Variants in BTBD9 observed in about 807,000 individuals in gnomAD.
The protein encoded by BTBD9 is BTB domain containing 9, also known as BTB/POZ domain-containing protein 9.
In BTBD9, 49 loss-of-function variants were observed where a neutral mutation model predicts 64.3. The ratio of observed to expected loss-of-function variants is 0.76; its 90% confidence interval spans 0.61 to 0.97. The LOEUF (loss-of-function observed/expected upper bound fraction) is 0.97, where lower values mean the gene tolerates loss of function less well. Among genes scored for constraint, BTBD9 ranks in the 50% least tolerant of loss-of-function variants. BTBD9 has a pLI of 0.00. For synonymous variants in BTBD9, 260 were observed against 274.7 expected, an observed-to-expected ratio of 0.95 and a Z score of 0.53; for missense variants, 598 against 762.1, an observed-to-expected ratio of 0.78 and a Z score of 2.53.
chr6:38,561,140 T>G (rs1443133187), intron 6 of BTBD9, among the ~76,000 whole-genome samples: 1 of 152,194 alleles, frequency 6.6e-6, no homozygotes, highest in Non-Finnish European at 1.5e-5. Context: ...TGTTTCTAGT[T>G]CTTTAAAGAA....
chr6:38,631,988 C>T (rs1298407266), intron 1 of BTBD9, among the ~76,000 whole-genome samples: 9 of 152,092 alleles, frequency 5.9e-5, no homozygotes, highest in South Asian at 4.1e-4. Context: ...ATTAGCCTGG[C>T]GTGGTGGCGC....
intron 6 of BTBD9, among the ~76,000 whole-genome samples, chr6:38,476,619 G>A (rs1562238882): frequency 6.6e-6 from 1 of 152,036 alleles, no homozygotes; most frequent in African/African-American, 2.4e-5. Context: ...GTTTTATCAA[G>A]GCAAAGACAG....
chr6:38,341,098 T>C (rs931300972), intron 7 of BTBD9, among the ~76,000 whole-genome samples: 4 of 152,064 alleles, frequency 2.6e-5, no homozygotes, highest in Admixed American at 6.6e-5. Flanking sequence ...GACAGATAAA[T>C]AGAAGAGAAC....
intron 9 of BTBD9, among the ~76,000 whole-genome samples, chr6:38,207,019 C>A (rs1762678926): frequency 6.6e-6 from 1 of 152,162 alleles, no homozygotes; most frequent in South Asian, 2.1e-4. Context: ...ACCCCTAGAG[C>A]CAGCAATTCC....
chr6:38,441,602 G>T (rs1202657456), intron 6 of BTBD9, among the ~76,000 whole-genome samples: 6 of 151,868 alleles, frequency 4.0e-5, no homozygotes, highest in African/African-American at 1.5e-4. Context: ...TTTTTTCATA[G>T]AAACAGATCT....
chr6:38,216,192 C>T (rs142006826), intron 9 of BTBD9, among the ~76,000 whole-genome samples: 3 of 152,332 alleles, frequency 2.0e-5, no homozygotes, highest in East Asian at 1.9e-4. Context: ...ACTCAGAGCA[C>T]GTGATTGGGC....
intron 6 of BTBD9, 71 bp downstream of exon 6, chr6:38,577,529 A>T: frequency 7.0e-7 from 1 of 1,433,202 alleles, no homozygotes; most frequent in Non-Finnish European, 9.5e-7. Flanking sequence ...TGAAAAATGC[A>T]GTTCTGCTTC....
At chr6:38,202,300 T>C (rs1202122616) in intron 9 of BTBD9, among the ~76,000 whole-genome samples, 4 of 151,852 alleles carry the variant, frequency 2.6e-5, no homozygotes, top group African/African-American at 9.7e-5. Context: ...TTGGCCAGGA[T>C]GGTCTCCATC....
At chr6:38,523,939 G>C (rs1773377178) in intron 6 of BTBD9, among the ~76,000 whole-genome samples, 1 of 152,114 alleles carries the variant, frequency 6.6e-6, no homozygotes, top group Non-Finnish European at 1.5e-5. Flanking sequence ...GTGTTCTGCT[G>C]CCTATGTGGA....
intron 6 of BTBD9, among the ~76,000 whole-genome samples, chr6:38,352,383 A>G (rs1365209805): frequency 6.6e-6 from 1 of 152,148 alleles, no homozygotes; most frequent in Non-Finnish European, 1.5e-5. Context: ...TCTGAAAAAA[A>G]AAAAAGAAAA....
intron 8 of BTBD9, among the ~76,000 whole-genome samples, chr6:38,281,220 G>C (rs765787163): frequency 6.6e-6 from 1 of 152,084 alleles, no homozygotes; most frequent in Non-Finnish European, 1.5e-5. Flanking sequence ...GGAAGTGCAT[G>C]AGCAACAGTT....
intron 9 of BTBD9, among the ~76,000 whole-genome samples, chr6:38,237,687 G>GA (rs1337979612): frequency 1.3e-5 from 2 of 152,070 alleles, no homozygotes; most frequent in African/African-American, 4.8e-5. Context: ...ATAATCTGAT[G>GA]AAAAAACAAT....
At chr6:38,376,875 A>G (rs1365352640) in intron 6 of BTBD9, among the ~76,000 whole-genome samples, 1 of 152,184 alleles carries the variant, frequency 6.6e-6, no homozygotes, top group African/African-American at 2.4e-5. Flanking sequence ...TAGAATTACA[A>G]TGACTGCCAT....
In BTBD9 at chr6:38,381,805, A is replaced by C. The variant is rs533846473; in HGVS notation, c.1155-36712T>G. On this transcript the variant is annotated intron_variant, in intron 6 of 10. Coordinates refer to ENST00000481247, the MANE Select transcript of BTBD9 (RefSeq NM_001099272.2). ...ATACACACATACATACACACCTTAAAAATAACATCAAAAACACACGTACGA... is the reference window on the plus strand; with the variant it reads ...ATACACACATACATACACACCTTAACAATAACATCAAAAACACACGTACGA... 5.9e-5 allele frequency among the ~76,000 whole-genome samples: 9 copies of C among 152,248 alleles called. No individual in the cohort carries two copies. In the East Asian group the frequency reaches 1.5e-3, roughly 26 times the overall value.
At chr6:38,193,755 T>C in intron 9 of BTBD9, 1 of 962,390 alleles carries the variant, frequency 1.0e-6, no homozygotes, top group Non-Finnish European at 1.2e-6. Context: ...AGCTGTTTCC[T>C]GTAATTGTCT....
At chr6:38,332,727 G>A (rs920336851) in intron 7 of BTBD9, among the ~76,000 whole-genome samples, 1 of 151,968 alleles carries the variant, frequency 6.6e-6, no homozygotes, top group Non-Finnish European at 1.5e-5. Context: ...GGGATTTTGA[G>A]TAGTAGTACT....
At chr6:38,266,605 G>GGAAAGAAAGAAAGAAAGAAAGAAAGAAA (rs200322291) in intron 8 of BTBD9, among the ~76,000 whole-genome samples, 13 of 107,296 alleles carry the variant, frequency 1.2e-4, no homozygotes, top group South Asian at 3.6e-4. Flanking sequence ...AGGAAAGAAA[G>GGAAAGAAAGAAAGAAAGAAAGAAAGAAA]GAAAGAAAGA....
intron 7 of BTBD9, among the ~76,000 whole-genome samples, chr6:38,331,297 G>T (rs1763667346): frequency 6.6e-6 from 1 of 152,072 alleles, no homozygotes; most frequent in South Asian, 2.1e-4. Context: ...TGGCCAACAT[G>T]GTGAAACCCT....
At chr6:38,516,659 C>A (rs1447172718) in intron 6 of BTBD9, among the ~76,000 whole-genome samples, 1 of 152,176 alleles carries the variant, frequency 6.6e-6, no homozygotes, top group Non-Finnish European at 1.5e-5. Flanking sequence ...ATTAGATGCA[C>A]CCAATTAACA....
Sources: gnomAD v4.1 joint callset for allele counts (sites outside exome capture counted in the v4.1 genomes callset) on GRCh38, gnomAD v4.1.1 for gene constraint, MANE v1.5 for transcripts, NCBI Gene and HGNC (gene_info 2026-07-23, HGNC 2026-07-21) for gene names.